Variants in WNK1 observed in about 807,000 individuals in gnomAD.
WNK1 encodes WNK lysine deficient protein kinase 1.
WNK1 carries 38 observed loss-of-function variants against 222.8 expected under a neutral mutation model. The observed-to-expected ratio is 0.17, with a 90% CI of 0.13 to 0.22. The LOEUF (loss-of-function observed/expected upper bound fraction) is 0.22. WNK1 is among the 10% of genes least tolerant of loss of function. The pLI, the probability that WNK1 is intolerant of heterozygous loss-of-function variation, is 1.00. For missense variants in WNK1, 2,348 were observed against 2,918.4 expected, an observed-to-expected ratio of 0.80 and a Z score of 4.50; for synonymous variants, 1,090 against 1,092.9, an observed-to-expected ratio of 1.00 and a Z score of 0.05.
rs1955846775 is a variant in WNK1 at position 908,008 on chromosome 12, GGAA to G, written c.6807_6809del (p.Ser2270del). ...TGCCATGAATCTCTCAGGCAGGAGAGGAAGCAAAGGGCACATGAATTACGAGGT... is the reference window on the plus strand; with the variant it reads ...TGCCATGAATCTCTCAGGCAGGAGAGGCAAAGGGCACATGAATTACGAGGT... On this transcript the variant is annotated inframe_deletion, in exon 27 of 28. Coordinates refer to ENST00000315939, the MANE Select transcript of WNK1 (RefSeq NM_018979.4). The G allele has an allele frequency of 6.2e-7, 1 of 1,614,136 alleles. No individual in the cohort carries two copies.
intron 1 of WNK1, among the ~76,000 whole-genome samples, chr12:755,642 C>A (rs1410814642): frequency 6.6e-6 from 1 of 151,732 alleles, no homozygotes; most frequent in Non-Finnish European, 1.5e-5. Flanking sequence ...AAAAAAACCT[C>A]GTCAAACGAA....
chr12:840,795 G>A (rs568539307), intron 4 of WNK1, among the ~76,000 whole-genome samples: 15 of 152,304 alleles, frequency 9.8e-5, no homozygotes, highest in South Asian at 2.1e-4. Context: ...ATAAGAATGC[G>A]TTAGCCTCTG....
intron 15 of WNK1, 122 bp downstream of exon 15, chr12:883,181 G>A: frequency 3.0e-6 from 3 of 990,982 alleles, no homozygotes; most frequent in African/African-American, 1.6e-5. Flanking sequence ...TTACTTCAAT[G>A]TGAATAAAAC....
Position 911,271 on chromosome 12 carries a change from C to T in WNK1, c.*2479C>T. 3 of 398,530 alleles carry T rather than the reference C, an allele frequency of 7.5e-6. No individual in the cohort carries two copies. Among genetic ancestry groups the T allele is most frequent in the South Asian group, 1.3e-4 (1 of 7,856 alleles). The allele number at this position is 398,530 out of a possible 1,614,324, so 24.7% of individuals were successfully genotyped here. On this transcript the variant is annotated 3_prime_UTR_variant, in exon 28 of 28. Coordinates refer to ENST00000315939, the MANE Select transcript of WNK1 (RefSeq NM_018979.4). The stretch of plus-strand genomic sequence containing the variant: ...TTTCCTTACATTATTTAACAATGTA[C>T]ACTGTTAAAAATAAAAATAAAAATT...
chr12:807,711 C>CTT lies in WNK1; in HGVS notation c.760-5906_760-5905dup, dbSNP rs869122990. On this transcript the variant is annotated intron_variant, in intron 1 of 27. Coordinates refer to ENST00000315939, the MANE Select transcript of WNK1 (RefSeq NM_018979.4). ...TTCCTTCCAGTAGGGAGCAATAATT[C>CTT]TTTTTTTTTTTTTTTTTTTTTTTTT... Among the ~76,000 whole-genome samples the CTT allele has an allele frequency of 2.0e-3, 160 of 78,800 alleles. 19 individuals are homozygous for CTT. Among genetic ancestry groups the CTT allele is most frequent in the Middle Eastern group, 0.021 (2 of 94 alleles). The allele number at this position is 78,800 out of a possible 152,430, so 51.7% of individuals were successfully genotyped here.
chr12:819,944 G>A (rs374138494), intron 2 of WNK1, among the ~76,000 whole-genome samples: 6 of 152,176 alleles, frequency 3.9e-5, no homozygotes, highest in East Asian at 3.9e-4. Flanking sequence ...TGCCAGTACC[G>A]CATTGCTCTG....
rs185606419 is a variant in WNK1, at chr12:801,830, G to C, written c.760-11812G>C. The stretch of plus-strand genomic sequence containing the variant: ...AACTCTGGGAGTAAGTGGTACTAAT[G>C]ATGAGGCAGATTGAATCAGAGAAAT... On this transcript the variant is annotated intron_variant, in intron 1 of 27. Coordinates refer to ENST00000315939, the MANE Select transcript of WNK1 (RefSeq NM_018979.4). Among the ~76,000 whole-genome samples, 16 of 152,268 alleles carry C rather than the reference G, an allele frequency of 1.1e-4. 1 individual carries two copies. In the East Asian group the frequency reaches 2.7e-3, roughly 26 times the overall value.
At chr12:901,063 G>A in intron 26 of WNK1, 1 of 317,880 alleles carries the variant, frequency 3.1e-6, no homozygotes, top group East Asian at 7.9e-5. Context: ...GTATGGGAGT[G>A]GCATACTAAA....
chr12:837,588 A>AG (rs34618945), intron 4 of WNK1, among the ~76,000 whole-genome samples: 47,880 of 131,696 alleles, frequency 0.36, 10,113 homozygotes, highest in East Asian at 0.77. Context: ...AAAAAAAAAA[A>AG]AAAAGAAAAG....
intron 22 of WNK1, among the ~76,000 whole-genome samples, chr12:893,823 A>AAAT (rs56048238): frequency 0.17 from 24,948 of 143,678 alleles, 2,414 homozygotes; most frequent in South Asian, 0.25. Context: ...ACTCCATCTC[A>AAAT]AATAATAATA....
intron 2 of WNK1, among the ~76,000 whole-genome samples, chr12:826,500 C>T (rs1417995916): frequency 6.6e-6 from 1 of 152,136 alleles, no homozygotes; most frequent in Admixed American, 6.5e-5. Context: ...TTTTTCCCTT[C>T]CAACTATGAC....
rs36083875 is a variant in WNK1 at position 896,357 on chromosome 12, G to A, written c.5870G>A (p.Arg1957His). 125 of 1,614,144 alleles carry A rather than the reference G, an allele frequency of 7.7e-5. No individual in the cohort carries two copies. In the East Asian group the frequency reaches 9.4e-4, roughly 12 times the overall value. Reference protein sequence around the residue: ...QVTTTANKVGRFSVSKTEDKI... With the variant: ...QVTTTANKVGHFSVSKTEDKI... ...ACAACTACAGCAAACAAAGTGGGTC[G>A]TTTCTCTGTATCAAAAACTGAGGAC... Residue 1957 changes from arginine to histidine, a missense_variant, in exon 24 of 28, where the codon CGT becomes CAT. Arg to His is a conservative substitution (Grantham distance 29). Coordinates refer to ENST00000315939, the MANE Select transcript of WNK1 (RefSeq NM_018979.4).
chr12:884,581 A>G lies in WNK1; in HGVS notation c.3845-68A>G. 1 of 1,495,628 alleles carries G rather than the reference A, an allele frequency of 6.7e-7. No individual in the cohort carries two copies. 92.6% of individuals were successfully genotyped at this position (1,495,628 alleles called of 1,614,324 possible). A position where few individuals can be genotyped will look rare whatever the true frequency, so the allele number is the denominator to read the frequency against. On this transcript the variant is annotated intron_variant, in intron 18 of 27. Coordinates refer to ENST00000315939, the MANE Select transcript of WNK1 (RefSeq NM_018979.4). This position sits in a 1 kb window ranked among gnomAD's most constrained non-coding sequence, Gnocchi z 5.6. ...ATATTTATAGGAGCTGACTTAGGCT[A>G]GCAGACAATCTTTTGAATCCATCCT...
chr12:903,695 C>G lies in WNK1; in HGVS notation c.6643+3025C>G, dbSNP rs1955460931. Among the ~76,000 whole-genome samples the G allele has an allele frequency of 2.0e-5, 3 of 152,096 alleles. No individual in the cohort carries two copies. The South Asian group carries it at 6.2e-4, about 32-fold the overall frequency. ...GGTGCAAAATGAAAGGCCCTACATC[C>G]TTAGAAGTCACATCAGGATACATCA... On this transcript the variant is annotated intron_variant, in intron 26 of 27. Coordinates refer to ENST00000315939, the MANE Select transcript of WNK1 (RefSeq NM_018979.4).
chr12:840,291 CT>C (rs71441622), intron 4 of WNK1, among the ~76,000 whole-genome samples: 307 of 128,376 alleles, frequency 2.4e-3, no homozygotes, highest in African/African-American at 8.0e-3. Flanking sequence ...CCATGTCCAG[CT>C]TTTTTTTTTT....
intron 2 of WNK1, among the ~76,000 whole-genome samples, chr12:816,723 T>G (rs1947373715): frequency 6.6e-6 from 1 of 152,126 alleles, no homozygotes; most frequent in Non-Finnish European, 1.5e-5. Flanking sequence ...CCGGGGACAT[T>G]TTCACAGTTC....
At chr12:891,840 A>T (rs1016002209) in intron 22 of WNK1, among the ~76,000 whole-genome samples, 20 of 151,528 alleles carry the variant, frequency 1.3e-4, no homozygotes, top group African/African-American at 4.4e-4. Flanking sequence ...TGAGACGAGG[A>T]TTGCCTGAGC....
Position 884,812 on chromosome 12 carries a change from A to G in WNK1, c.4008A>G (p.Val1336=). The G allele has an allele frequency of 6.2e-7, 1 of 1,614,124 alleles. No individual in the cohort carries two copies. Among genetic ancestry groups the G allele is most frequent in the South Asian group, 1.1e-5 (1 of 91,072 alleles). The change falls in exon 19 of 28, where the codon GTA becomes GTG. Residue 1336 remains valine (V), a synonymous_variant. Transcript: ENST00000315939. The surrounding 1 kb of genome is among the most constrained non-coding windows in gnomAD (Gnocchi z 5.6). ...FSHTGPTFPV[V]PPFLSSIAGV... is the part of the protein sequence containing the mutation. ...ATACAGGACCAACATTTCCAGTAGT[A>G]CCTCCTTTCTTAAGTAGCATTGCTG... is the stretch of plus-strand genomic sequence containing the variant.
intron 26 of WNK1, chr12:907,638 G>A: frequency 1.6e-6 from 1 of 631,750 alleles, no homozygotes; most frequent in Admixed American, 2.4e-5. Flanking sequence ...AGCCTTAGCA[G>A]CAGCTACTGA....
Sources: gnomAD v4.1 joint callset for allele counts (sites outside exome capture counted in the v4.1 genomes callset) on GRCh38, gnomAD v4.1.1 for gene constraint, Gnocchi (gnomAD v3.1) non-coding constraint, MANE v1.5 for transcripts, NCBI Gene and HGNC (gene_info 2026-07-23, HGNC 2026-07-21) for gene names.